Variants in TDRD12 observed in about 807,000 individuals in gnomAD.
TDRD12 encodes tudor domain containing 12.
Under a neutral mutation model 133.5 loss-of-function variants are expected in TDRD12, and 158 were observed. That is an observed-to-expected ratio of 1.18 (90% CI 1.04 to 1.35). TDRD12 has a LOEUF of 1.35. TDRD12 is among the 40% of genes most tolerant of loss of function. The pLI, the probability that TDRD12 is intolerant of heterozygous loss-of-function variation, is 0.00. For synonymous variants in TDRD12, 460 were observed against 477.9 expected (o/e 0.96, Z 0.49); for missense variants, 1,443 against 1,321.3 (o/e 1.09, Z -1.43).
chr19:32,822,639 C>T (rs550908915), downstream of TDRD12, among the ~76,000 whole-genome samples: 11 of 147,756 alleles, frequency 7.4e-5, no homozygotes, highest in Admixed American at 3.4e-4. Context: ...CCCAGCTACT[C>T]GGGAGGCTGA....
At position 32,761,495 on chromosome 19, in the gene TDRD12, G is replaced by A. The variant is rs112410443; in HGVS notation, c.865+4365G>A. The stretch of plus-strand genomic sequence containing the variant: ...GGGTCTCCTTGATTTTCATGACCTT[G>A]CACTTTGGAAGATTACAGACCTATT... On this transcript the variant is annotated intron_variant, in intron 8 of 27. Coordinates refer to ENST00000444215, the Ensembl canonical transcript of TDRD12. Among the ~76,000 whole-genome samples the A allele has an allele frequency of 4.7e-4, 71 of 152,190 alleles. 1 individual carries two copies. Among genetic ancestry groups the A allele is most frequent in the African/African-American group, 1.7e-3 (71 of 41,534 alleles).
intron 2 of TDRD12, among the ~76,000 whole-genome samples, chr19:32,732,849 G>T (rs557405080): frequency 1.3e-5 from 2 of 152,296 alleles, no homozygotes; most frequent in Admixed American, 1.3e-4. Context: ...AATTGAAGAA[G>T]TTAAACCAGG....
intron 1 of TDRD12, among the ~76,000 whole-genome samples, chr19:32,731,512 C>T (rs1034405208): frequency 3.3e-5 from 5 of 151,956 alleles, no homozygotes; most frequent in African/African-American, 1.2e-4. Flanking sequence ...GACATCCGTT[C>T]GTTATTTGAG....
At chr19:32,734,271 G>A (rs983793735) in intron 2 of TDRD12, among the ~76,000 whole-genome samples, 1 of 152,012 alleles carries the variant, frequency 6.6e-6, no homozygotes, top group African/African-American at 2.4e-5. Flanking sequence ...GAGAAATTGT[G>A]TGGATCAGTT....
intron 6 of TDRD12, among the ~76,000 whole-genome samples, chr19:32,750,382 A>C (rs750299566): frequency 7.2e-5 from 11 of 152,190 alleles, no homozygotes; most frequent in Non-Finnish European, 1.3e-4. Flanking sequence ...CAGAAGGGGC[A>C]CACATCCAGG....
At chr19:32,803,836 C>G (rs1971468559) in intron 21 of TDRD12, among the ~76,000 whole-genome samples, 1 of 152,078 alleles carries the variant, frequency 6.6e-6, no homozygotes. Flanking sequence ...TTTTCATAGG[C>G]TTGTGGGACA....
At chr19:32,826,497 A>G (rs758197631) in exon 9 of TDRD12, 4 of 1,253,534 alleles carry the variant, frequency 3.2e-6, no homozygotes, top group Non-Finnish European at 3.0e-6. Context: ...GCGGGGCAAC[A>G]TAAGGAAAGA....
At chr19:32,730,614 A>G (rs1969020518) in intron 1 of TDRD12, among the ~76,000 whole-genome samples, 1 of 152,200 alleles carries the variant, frequency 6.6e-6, no homozygotes, top group African/African-American at 2.4e-5. Flanking sequence ...TAGAAATAAT[A>G]CTAGTGGGAA....
chr19:32,738,963 T>G, exon 3 of TDRD12: 1 of 1,550,920 alleles, frequency 6.4e-7, no homozygotes, highest in Non-Finnish European at 8.7e-7. Flanking sequence ...TTGTGGACTT[T>G]GCCAAGAACA....
At chr19:32,790,097 G>A (rs1971024893) in intron 11 of TDRD12, among the ~76,000 whole-genome samples, 1 of 152,128 alleles carries the variant, frequency 6.6e-6, no homozygotes, top group Admixed American at 6.6e-5. Context: ...TCTTTATCCT[G>A]GAGTCCCCGC....
intron 6 of TDRD12, among the ~76,000 whole-genome samples, chr19:32,751,749 C>T (rs1969834665): frequency 6.6e-6 from 1 of 152,152 alleles, no homozygotes; most frequent in East Asian, 1.9e-4. Flanking sequence ...CCATGAGTTG[C>T]GATCTCATTA....
chr19:32,792,346 C>T (rs1971096774), intron 13 of TDRD12, among the ~76,000 whole-genome samples: 3 of 152,058 alleles, frequency 2.0e-5, no homozygotes, highest in South Asian at 4.1e-4. Flanking sequence ...TAAATATCCC[C>T]GGAGAGAAGA....
chr19:32,769,590 A>G (rs1377238242), intron 8 of TDRD12, among the ~76,000 whole-genome samples: 2 of 151,938 alleles, frequency 1.3e-5, no homozygotes, highest in Admixed American at 1.3e-4. Flanking sequence ...CATTTCTCTT[A>G]TTATGAGTGC....
At chr19:32,809,049 C>T (rs955465922) in intron 22 of TDRD12, among the ~76,000 whole-genome samples, 7 of 152,216 alleles carry the variant, frequency 4.6e-5, no homozygotes, top group Admixed American at 1.3e-4. Flanking sequence ...GTTTTCTTGA[C>T]ATTTTGGAGG....
At chr19:32,753,812 C>T (rs889099612) in intron 6 of TDRD12, among the ~76,000 whole-genome samples, 11 of 151,910 alleles carry the variant, frequency 7.2e-5, no homozygotes, top group East Asian at 1.9e-4. Context: ...CCACCACGCC[C>T]GGCTGGCCCC....
chr19:32,794,683 C>A lies in TDRD12; in HGVS notation c.1343C>A (p.Pro448His), dbSNP rs761839221. ...AGCCACACTGAATCTTACTCTTGGC[C>A]TCCCATAGCGCGTGGCTGTGATGTG... is the stretch of plus-strand genomic sequence containing the variant. The change falls in exon 14 of 28, where the codon CCT (proline) becomes CAT (histidine). Residue 448 changes from proline (P) to histidine (H), a missense_variant. Transcript: ENST00000444215. 15 of 703,060 alleles carry A rather than the reference C, an allele frequency of 2.1e-5. No homozygotes were observed. The South Asian group carries it at 2.2e-4, about 10-fold the overall frequency. 43.6% of individuals were successfully genotyped at this position (703,060 alleles called of 1,614,324 possible).
intron 6 of TDRD12, among the ~76,000 whole-genome samples, chr19:32,751,306 G>T (rs1969820674): frequency 1.3e-5 from 2 of 152,130 alleles, no homozygotes; most frequent in African/African-American, 4.8e-5. Context: ...TGACTGCATG[G>T]TATTCCATGG....
rs1971522178 is a variant in TDRD12 at position 32,805,522 on chromosome 19, T to G, written c.2553-2027T>G. Among the ~76,000 whole-genome samples, 2 of 152,098 alleles carry G rather than the reference T, an allele frequency of 1.3e-5. 1 individual carries two copies. Among genetic ancestry groups the G allele is most frequent in the South Asian group, 4.1e-4 (2 of 4,820 alleles). ...TCGGTTCTCACTGCATGAGTGCGTT[T>G]GCCATGAGCCAGGTGATGGTATTTG... On this transcript the variant is annotated intron_variant, in intron 21 of 27. Coordinates refer to ENST00000444215, the Ensembl canonical transcript of TDRD12.
At position 32,720,108 on chromosome 19, in the gene TDRD12, C is replaced by T; in HGVS notation, c.24+12C>T. ...TCCTGGTGCTGAAGGTGAGCGCCGC[C>T]AAGCCAGACCCACGCCAGACCCACG... On this transcript the variant is annotated intron_variant, in intron 1 of 27. Transcript: ENST00000444215. 3.2e-6 allele frequency: 5 copies of T among 1,547,488 alleles called. No individual in the cohort carries two copies. Among genetic ancestry groups the T allele is most frequent in the Non-Finnish European group, 4.4e-6 (5 of 1,146,138 alleles).
Sources: allele counts gnomAD v4.1 joint callset (sites outside exome capture counted in the v4.1 genomes callset), GRCh38; gene constraint gnomAD v4.1.1; transcripts MANE v1.5; gene names NCBI Gene and HGNC (gene_info 2026-07-23, HGNC 2026-07-21).